The following CERS6 variants were observed in gnomAD, a reference collection of about 807,000 sequenced individuals.
CERS6 encodes the protein ceramide synthase 6, also known as LAG1 homolog, ceramide synthase 6.
Under a neutral mutation model 56.8 loss-of-function variants are expected in CERS6, and 26 were observed. The ratio of observed to expected loss-of-function variants is 0.46; its 90% CI spans 0.34 to 0.63. The LOEUF is 0.63. Ranked by LOEUF, CERS6 falls within the 30% of genes least tolerant of loss-of-function variation. The pLI, the probability that CERS6 is intolerant of heterozygous loss-of-function variation, is 0.01. For missense variants in CERS6, 415 were observed against 467.5 expected (o/e 0.89, Z 1.04); for synonymous variants, 164 against 173.3 (o/e 0.95, Z 0.42).
intron 4 of CERS6, among the ~76,000 whole-genome samples, chr2:168,670,519 G>C (rs746799566): frequency 7.2e-5 from 11 of 152,146 alleles, no homozygotes; most frequent in Non-Finnish European, 1.6e-4. Flanking sequence ...CCAGTTAAAA[G>C]GCAAGTTTAC....
chr2:168,609,550 G>T (rs978149113), intron 3 of CERS6, among the ~76,000 whole-genome samples: 1 of 152,136 alleles, frequency 6.6e-6, no homozygotes, highest in Non-Finnish European at 1.5e-5. Context: ...GTCACCCTCA[G>T]CTCCTATGTC....
chr2:168,535,200 T>C (rs1283517867), intron 1 of CERS6, among the ~76,000 whole-genome samples: 5 of 152,326 alleles, frequency 3.3e-5, no homozygotes, highest in African/African-American at 1.2e-4. Context: ...CTCATATGGC[T>C]TAGACAGCAG....
At chr2:168,763,179 CT>C (rs1276124840) in intron 8 of CERS6, among the ~76,000 whole-genome samples, 1 of 147,032 alleles carries the variant, frequency 6.8e-6, no homozygotes, top group Non-Finnish European at 1.5e-5. Flanking sequence ...CTAGCCTCTC[CT>C]TTTTTCTTTT....
chr2:168,658,125 C>T (rs1173117935), intron 4 of CERS6, among the ~76,000 whole-genome samples: 1 of 152,188 alleles, frequency 6.6e-6, no homozygotes, highest in African/African-American at 2.4e-5. Flanking sequence ...CTCTGTGCCT[C>T]AGTTTCCTTA....
chr2:168,710,051 C>T (rs986403464), intron 6 of CERS6, among the ~76,000 whole-genome samples: 8 of 152,094 alleles, frequency 5.3e-5, no homozygotes, highest in African/African-American at 1.4e-4. Flanking sequence ...TCTTCTGCCA[C>T]GGGCATAACT....
chr2:168,711,981 A>G (rs1438337888), intron 6 of CERS6, among the ~76,000 whole-genome samples: 1 of 152,168 alleles, frequency 6.6e-6, no homozygotes, highest in Non-Finnish European at 1.5e-5. Flanking sequence ...ATTGGAGAAT[A>G]GAAATTAGAG....
chr2:168,464,124 G>A (rs572067224), intron 1 of CERS6, among the ~76,000 whole-genome samples: 1 of 151,628 alleles, frequency 6.6e-6, no homozygotes, highest in African/African-American at 2.4e-5. Context: ...ACTTCTTAAT[G>A]TGGAGTGGTC....
In CERS6 at chr2:168,770,196, C is replaced by T. The variant is rs976583581; in HGVS notation, c.*534C>T. 1 of 152,334 alleles carries T rather than the reference C, an allele frequency of 6.6e-6. No homozygotes were observed. The highest frequency in any genetic ancestry group is 1.9e-4 in the East Asian group (1 of 5,202). The allele number at this position is 152,334 out of a possible 1,614,324, so 9.4% of individuals were successfully genotyped here. A position where few individuals can be genotyped will look rare whatever the true frequency, so the allele number is the denominator to read the frequency against. ...TTAGTGACCATTTAAACCGGACGAA[C>T]TAGGTGTTTAATTTTCACTCTTCAT... On this transcript the variant is annotated 3_prime_UTR_variant, in exon 10 of 10. Transcript: ENST00000305747.
chr2:168,477,080 G>A (rs984404751), intron 1 of CERS6, among the ~76,000 whole-genome samples: 4 of 151,806 alleles, frequency 2.6e-5, no homozygotes, highest in African/African-American at 7.3e-5. Flanking sequence ...GCAGTGTCTG[G>A]TGAGGCACCT....
At chr2:168,622,218 G>A (rs1383324639) in intron 3 of CERS6, among the ~76,000 whole-genome samples, 2 of 152,110 alleles carry the variant, frequency 1.3e-5, no homozygotes, top group Non-Finnish European at 2.9e-5. Flanking sequence ...ATTGTCTTGG[G>A]CCACACATAA....
At chr2:168,722,999 G>T (rs1000621100) in intron 8 of CERS6, among the ~76,000 whole-genome samples, 1 of 152,168 alleles carries the variant, frequency 6.6e-6, no homozygotes, top group Admixed American at 6.6e-5. Flanking sequence ...TATCCACTCT[G>T]TGCTGCTGTT....
At position 168,674,042 on chromosome 2, in the gene CERS6, C is replaced by T. The variant is rs545454150; in HGVS notation, c.466-16992C>T. Among the ~76,000 whole-genome samples, 8 of 152,022 alleles carry T rather than the reference C, an allele frequency of 5.3e-5. No homozygotes were observed. In the South Asian group the frequency reaches 1.0e-3, roughly 20 times the overall value. On this transcript the variant is annotated intron_variant, in intron 4 of 9. Coordinates refer to ENST00000305747, the MANE Select transcript of CERS6 (RefSeq NM_203463.3). ...ATGTTTGGAGTCATGATTCGTACAC[C>T]GTGACCTGTTACGTATGGGTTTTCA...
Position 168,630,981 on chromosome 2 carries a change from A to G in CERS6, c.408-4A>G, listed in dbSNP as rs188185352. ...GTCACAGATTTTTTTTTAACCTTCT[A>G]CAGGTGGAGATTTTCATTTTACCTT... On this transcript the variant is annotated splice_region_variant and splice_polypyrimidine_tract_variant and intron_variant, in intron 3 of 9. Transcript: ENST00000305747. 15 of 1,467,310 alleles carry G rather than the reference A, an allele frequency of 1.0e-5. No individual in the cohort carries two copies. The Admixed American group carries it at 2.3e-4, about 22-fold the overall frequency. The allele number at this position is 1,467,310 out of a possible 1,614,324, so 90.9% of individuals were successfully genotyped here.
intron 3 of CERS6, among the ~76,000 whole-genome samples, chr2:168,629,106 A>G (rs1266911335): frequency 6.6e-6 from 1 of 152,220 alleles, no homozygotes; most frequent in Non-Finnish European, 1.5e-5. Flanking sequence ...ACAAGTTGCT[A>G]TTCAAATGAT....
chr2:168,679,200 T>C (rs1272250029), intron 4 of CERS6, among the ~76,000 whole-genome samples: 1 of 152,148 alleles, frequency 6.6e-6, no homozygotes, highest in Non-Finnish European at 1.5e-5. Flanking sequence ...GAGACGTTTG[T>C]CAACAAGTGT....
chr2:168,636,951 G>A (rs538611807), intron 4 of CERS6, among the ~76,000 whole-genome samples: 6 of 152,204 alleles, frequency 3.9e-5, no homozygotes, highest in Admixed American at 2.0e-4. Context: ...TGACCTTTAC[G>A]CAAGCCTCTT....
intron 8 of CERS6, among the ~76,000 whole-genome samples, chr2:168,725,795 T>A (rs1310798174): frequency 1.3e-5 from 2 of 152,226 alleles, no homozygotes; most frequent in Non-Finnish European, 2.9e-5. Context: ...TTAAATATTT[T>A]CTCTTGTATT....
chr2:168,612,540 C>G lies in CERS6; in HGVS notation c.408-18445C>G, dbSNP rs144039185. On this transcript the variant is annotated intron_variant, in intron 3 of 9. Coordinates refer to ENST00000305747, the MANE Select transcript of CERS6 (RefSeq NM_203463.3). ...ATGGTGAAACAAGAATGAGATTTATCTAGTCTCCCTAAAGAGGTTATCCCA... is the reference window on the plus strand; with the variant it reads ...ATGGTGAAACAAGAATGAGATTTATGTAGTCTCCCTAAAGAGGTTATCCCA... Among the ~76,000 whole-genome samples the G allele has an allele frequency of 1.6e-3, 242 of 152,280 alleles. 1 individual carries two copies. Among genetic ancestry groups the G allele is most frequent in the African/African-American group, 5.4e-3 (226 of 41,548 alleles).
At chr2:168,600,463 A>T (rs1476795356) in intron 3 of CERS6, among the ~76,000 whole-genome samples, 1 of 152,102 alleles carries the variant, frequency 6.6e-6, no homozygotes, top group African/African-American at 2.4e-5. Context: ...CTCGCCCTCC[A>T]AAAGTGCTGG....
Sources: allele counts gnomAD v4.1 joint callset (sites outside exome capture counted in the v4.1 genomes callset), GRCh38; gene constraint gnomAD v4.1.1; transcripts MANE v1.5; gene names NCBI Gene and HGNC (gene_info 2026-07-23, HGNC 2026-07-21).